The following RAP1GDS1 variants were observed in gnomAD, a reference collection of about 807,000 sequenced individuals.
The protein encoded by RAP1GDS1 is RAP1, GTP-GDP dissociation stimulator 1.
In RAP1GDS1, 35 loss-of-function variants were observed where a neutral mutation model predicts 71.1. That is an observed-to-expected ratio of 0.49 (90% CI 0.38 to 0.65). The LOEUF (loss-of-function observed/expected upper bound fraction) is 0.65, where lower values mean the gene tolerates loss of function less well. Among genes scored for constraint, RAP1GDS1 ranks in the 30% least tolerant of loss-of-function variants. The probability of loss-of-function intolerance (pLI) is 0.00; values close to 1 mark genes in which losing one functional copy is unlikely to be tolerated. For missense variants in RAP1GDS1, 663 were observed against 706.1 expected, an observed-to-expected ratio of 0.94 and a Z score of 0.69; for synonymous variants, 229 against 243.1, an observed-to-expected ratio of 0.94 and a Z score of 0.54.
intron 13 of RAP1GDS1, 67 bp downstream of exon 13, chr4:98,434,129 G>A: frequency 1.9e-6 from 3 of 1,563,802 alleles, no homozygotes; most frequent in Non-Finnish European, 2.6e-6. Flanking sequence ...GTATAGAAGT[G>A]GAGTTGAAGT....
At chr4:98,302,591 G>A (rs1006391248) in intron 2 of RAP1GDS1, among the ~76,000 whole-genome samples, 11 of 152,154 alleles carry the variant, frequency 7.2e-5, no homozygotes, top group African/African-American at 2.7e-4. Context: ...AGTAAAGGAA[G>A]ACCAGAATCT....
At chr4:98,432,591 A>T (rs1750584624) in intron 12 of RAP1GDS1, among the ~76,000 whole-genome samples, 1 of 152,146 alleles carries the variant, frequency 6.6e-6, no homozygotes, top group East Asian at 1.9e-4. Flanking sequence ...TTGGGCTCAA[A>T]GCAAAGATAC....
At chr4:98,352,215 T>C (rs1002312536) in intron 3 of RAP1GDS1, among the ~76,000 whole-genome samples, 5 of 152,072 alleles carry the variant, frequency 3.3e-5, no homozygotes, top group Non-Finnish European at 5.9e-5. Flanking sequence ...GTAAGTTAAT[T>C]AAAATCCCTT....
chr4:98,433,299 CT>C (rs554332407), intron 12 of RAP1GDS1, among the ~76,000 whole-genome samples: 2,391 of 146,470 alleles, frequency 0.016, 60 homozygotes, highest in African/African-American at 0.054. Flanking sequence ...TTAAAAGCAA[CT>C]TTTTTTTTTT....
At chr4:98,384,676 G>A (rs1041718378) in intron 5 of RAP1GDS1, among the ~76,000 whole-genome samples, 7 of 151,518 alleles carry the variant, frequency 4.6e-5, no homozygotes, top group Non-Finnish European at 1.5e-5. Flanking sequence ...ACACATTTTG[G>A]TCTAATTCCA....
At chr4:98,323,912 G>T (rs867170259) in intron 2 of RAP1GDS1, among the ~76,000 whole-genome samples, 1,468 of 136,400 alleles carry the variant, frequency 0.011, 28 homozygotes, top group African/African-American at 0.039. Flanking sequence ...AGTGTTGGAA[G>T]TTCTGGCCAG....
chr4:98,423,071 A>C (rs560485855), intron 12 of RAP1GDS1, among the ~76,000 whole-genome samples: 1 of 152,260 alleles, frequency 6.6e-6, no homozygotes, highest in African/African-American at 2.4e-5. Flanking sequence ...GGAATTAACT[A>C]TCCGTTGAGG....
chr4:98,384,692 T>C (rs1169639065), intron 5 of RAP1GDS1, among the ~76,000 whole-genome samples: 1 of 151,644 alleles, frequency 6.6e-6, no homozygotes, highest in Non-Finnish European at 1.5e-5. Flanking sequence ...TTCCACATGA[T>C]CAAGTATTGG....
intron 6 of RAP1GDS1, among the ~76,000 whole-genome samples, chr4:98,397,549 T>A (rs565773105): frequency 6.6e-6 from 1 of 152,090 alleles, no homozygotes; most frequent in South Asian, 2.1e-4. Context: ...GGAGAGAGGA[T>A]TGTACGAGAA....
chr4:98,442,104 C>G lies in RAP1GDS1; in HGVS notation c.1811C>G (p.Thr604Ser), dbSNP rs199497536. The change falls in exon 15 of 15, where the codon ACT becomes AGT. Residue 604 changes from threonine (T) to serine (S), a missense_variant. Thr to Ser is a moderately conservative substitution (Grantham distance 58). Coordinates refer to ENST00000408927, the MANE Select transcript of RAP1GDS1 (RefSeq NM_001100427.2). ...GCCTCTCTCACAGAGCAGAGACTTA[C>G]TGTGGAAAGCTGAGAACTGCCCGAT... Reference protein sequence around the residue: ...QQASLTEQRLTVES With the variant: ...QQASLTEQRLSVES 4 of 1,613,318 alleles carry G rather than the reference C, an allele frequency of 2.5e-6. No individual in the cohort carries two copies. Among genetic ancestry groups the G allele is most frequent in the Non-Finnish European group, 3.4e-6 (4 of 1,179,946 alleles).
chr4:98,308,784 G>C (rs540716067), intron 2 of RAP1GDS1, among the ~76,000 whole-genome samples: 212 of 152,006 alleles, frequency 1.4e-3, no homozygotes, highest in African/African-American at 4.8e-3. Context: ...AGAATGATTG[G>C]AATTAATGAC....
At chr4:98,419,984 A>T in intron 10 of RAP1GDS1, 35 bp from the exon 11 acceptor site, 1 of 1,545,402 alleles carries the variant, frequency 6.5e-7, no homozygotes, top group Non-Finnish European at 8.8e-7. Context: ...AGGAATGCTA[A>T]TACCATTTTA....
chr4:98,375,056 A>AG (rs1189498106), intron 4 of RAP1GDS1, among the ~76,000 whole-genome samples: 15 of 152,102 alleles, frequency 9.9e-5, no homozygotes, highest in Non-Finnish European at 1.9e-4. Flanking sequence ...ACCACAAACT[A>AG]GTTGGCTTAA....
intron 6 of RAP1GDS1, among the ~76,000 whole-genome samples, chr4:98,399,786 C>A (rs916186836): frequency 1.3e-5 from 2 of 152,070 alleles, no homozygotes; most frequent in Non-Finnish European, 2.9e-5. Context: ...GTTAACAAAT[C>A]CTGGTGAGGA....
chr4:98,421,536 A>ATATACAT, intron 12 of RAP1GDS1, 142 bp downstream of exon 12: 9 of 901,392 alleles, frequency 1.0e-5, no homozygotes, highest in Non-Finnish European at 1.4e-5. Context: ...TAATGTGCTT[A>ATATACAT]GCTGATACAT....
intron 6 of RAP1GDS1, 30 bp downstream of exon 6, chr4:98,392,110 A>ATTAAC: frequency 6.3e-7 from 1 of 1,581,754 alleles, no homozygotes; most frequent in Non-Finnish European, 8.6e-7. Context: ...CACAAATGTA[A>ATTAAC]TTAACTTATT....
At chr4:98,346,883 T>G (rs1416294614) in intron 3 of RAP1GDS1, among the ~76,000 whole-genome samples, 1 of 152,092 alleles carries the variant, frequency 6.6e-6, no homozygotes. Flanking sequence ...AAAGAGTGAG[T>G]GAAAAATATA....
intron 1 of RAP1GDS1, among the ~76,000 whole-genome samples, chr4:98,280,058 G>T (rs193202082): frequency 1.3e-4 from 20 of 152,214 alleles, no homozygotes; most frequent in African/African-American, 4.3e-4. Context: ...GAATAGTGCC[G>T]CAATAAACAT....
In RAP1GDS1 at chr4:98,443,125, G is replaced by A. The variant is rs1752095242; in HGVS notation, c.*1008G>A. 4.4e-6 allele frequency: 1 copy of A among 228,214 alleles called. No homozygotes were observed. The highest frequency in any genetic ancestry group is 6.2e-5 in the East Asian group (1 of 16,108). The allele number at this position is 228,214 out of a possible 1,614,324, so 14.1% of individuals were successfully genotyped here. A position where few individuals can be genotyped will look rare whatever the true frequency, so the allele number is the denominator to read the frequency against. On this transcript the variant is annotated 3_prime_UTR_variant, in exon 15 of 15. Transcript: ENST00000408927. ...TTATGTTAGAACTAGCAGGACGTAG[G>A]TGGAAAGATGAAGAAATAAGCTTGT... is the stretch of plus-strand genomic sequence containing the variant.
Sources: gnomAD v4.1 joint callset for allele counts (sites outside exome capture counted in the v4.1 genomes callset) on GRCh38, gnomAD v4.1.1 for gene constraint, MANE v1.5 for transcripts, NCBI Gene and HGNC (gene_info 2026-07-23, HGNC 2026-07-21) for gene names.